FAAH2: variants seen among roughly 807,000 people sequenced by gnomAD.
The protein encoded by FAAH2 is fatty acid amide hydrolase 2, also known as fatty-acid amide hydrolase 2.
FAAH2 carries 60 observed loss-of-function variants against 36.9 expected under a neutral mutation model. The ratio of observed to expected loss-of-function variants is 1.63; its 90% CI spans 1.32 to 2.02. The LOEUF (loss-of-function observed/expected upper bound fraction) is 2.02. Ranked by LOEUF, FAAH2 falls within the 30% of genes most tolerant of loss-of-function variation. The pLI is 0.00. For synonymous variants in FAAH2, 214 were observed against 143.8 expected (o/e 1.49, Z -3.49); for missense variants, 689 against 397.5 (o/e 1.73, Z -6.23).
the FAAH2 span, chrX:57,137,219 A>G: frequency 1.3e-6 from 1 of 756,651 alleles, no homozygotes; most frequent in Non-Finnish European, 1.6e-6. Flanking sequence ...CCTGGCGTCC[A>G]CCGCCGGGGA....
At chrX:57,226,419 G>T in the FAAH2 span, among the ~76,000 whole-genome samples, 1 of 111,686 alleles carries the variant, frequency 9.0e-6, no homozygotes, top group Non-Finnish European at 1.9e-5. Flanking sequence ...GCTTCATTTG[G>T]CTGGATAAAA....
At chrX:57,341,127 T>A (rs2053675393) in intron 4 of FAAH2, 144 bp from the exon 5 acceptor site, 2 of 495,850 alleles carry the variant, frequency 4.0e-6, no homozygotes, top group Non-Finnish European at 6.0e-6. Flanking sequence ...AGAATAAAAT[T>A]ATGATCTAAA....
intron 3 of FAAH2, among the ~76,000 whole-genome samples, chrX:57,315,373 TGGA>T (rs1464330940): frequency 9.0e-6 from 1 of 111,273 alleles, no homozygotes; most frequent in African/African-American, 3.3e-5. Context: ...TTCTAAAAAA[TGGA>T]GGAGGAGGGA....
chrX:57,262,566 T>A, the FAAH2 span, among the ~76,000 whole-genome samples: 1 of 111,353 alleles, frequency 9.0e-6, no homozygotes, highest in Non-Finnish European at 1.9e-5. Flanking sequence ...TAACACCAAA[T>A]TCAAGTCTCT....
intron 7 of FAAH2, among the ~76,000 whole-genome samples, chrX:57,390,905 G>A (rs1291433916): frequency 9.0e-6 from 1 of 111,140 alleles, no homozygotes; most frequent in African/African-American, 3.3e-5. Context: ...CCTCCATACT[G>A]TTTTCCACAG....
At chrX:57,220,193 C>T in the FAAH2 span, among the ~76,000 whole-genome samples, 2 of 108,991 alleles carry the variant, frequency 1.8e-5, no homozygotes, top group South Asian at 4.1e-4. Context: ...CAGCCCCTAC[C>T]TCTTCCTCTC....
the FAAH2 span, among the ~76,000 whole-genome samples, chrX:57,205,435 G>T: frequency 8.9e-6 from 1 of 112,447 alleles, no homozygotes; most frequent in South Asian, 3.7e-4. Context: ...CCTAACTGCT[G>T]TTTGCAATTG....
Position 57,378,800 on chromosome X carries a change from T to C in FAAH2, c.878+14T>C. 3 of 1,194,001 alleles carry C rather than the reference T, an allele frequency of 2.5e-6. No individual in the cohort carries two copies. The highest frequency in any genetic ancestry group is 3.4e-6 in the Non-Finnish European group (3 of 885,194). ...TGGGATCAAAAGGTATGTTCATTTA[T>C]TTTTATTTCCTTGGACTCTTATCCT... is the stretch of plus-strand genomic sequence containing the variant. On this transcript the variant is annotated intron_variant, in intron 6 of 10. Coordinates refer to ENST00000374900, the MANE Select transcript of FAAH2 (RefSeq NM_174912.4).
intron 7 of FAAH2, among the ~76,000 whole-genome samples, chrX:57,419,345 G>T (rs1335141237): frequency 9.0e-6 from 1 of 110,908 alleles, no homozygotes; most frequent in African/African-American, 3.3e-5. Context: ...CAGTGTAAAA[G>T]TGTTCCTATT....
At chrX:57,363,797 G>A (rs936769277) in intron 5 of FAAH2, among the ~76,000 whole-genome samples, 4 of 111,117 alleles carry the variant, frequency 3.6e-5, no homozygotes, top group Non-Finnish European at 7.6e-5. Context: ...TTTATCAAAA[G>A]CCTTTTCTGC....
intron 1 of FAAH2, among the ~76,000 whole-genome samples, chrX:57,287,661 C>A (rs1193126351): frequency 9.0e-6 from 1 of 111,624 alleles, no homozygotes; most frequent in African/African-American, 3.3e-5. Context: ...AAAAATTAAG[C>A]AGCTCATTCG....
intron 5 of FAAH2, among the ~76,000 whole-genome samples, chrX:57,342,053 G>A (rs1297450741): frequency 1.8e-5 from 2 of 111,651 alleles, no homozygotes; most frequent in South Asian, 3.7e-4. Flanking sequence ...TATAATTGTG[G>A]TATAGTAAAG....
intron 2 of FAAH2, among the ~76,000 whole-genome samples, chrX:57,299,112 G>A (rs2052245083): frequency 9.0e-6 from 1 of 111,469 alleles, no homozygotes; most frequent in Admixed American, 9.5e-5. Flanking sequence ...TATGAGGCCA[G>A]CATCATCCTG....
intron 7 of FAAH2, among the ~76,000 whole-genome samples, chrX:57,410,962 T>A (rs1031039150): frequency 8.9e-6 from 1 of 111,764 alleles, no homozygotes; most frequent in Non-Finnish European, 1.9e-5. Context: ...GGGGCTTTAT[T>A]TTGGTCCTTC....
chrX:57,157,813 A>T, the FAAH2 span, among the ~76,000 whole-genome samples: 1 of 109,072 alleles, frequency 9.2e-6, no homozygotes, highest in African/African-American at 3.3e-5. Flanking sequence ...TTTAATTTTT[A>T]TTTTTTATTT....
At chrX:57,383,952 C>A (rs1439534072) in intron 7 of FAAH2, among the ~76,000 whole-genome samples, 2 of 111,864 alleles carry the variant, frequency 1.8e-5, no homozygotes, top group Non-Finnish European at 3.8e-5. Flanking sequence ...ACCAAAACAG[C>A]ATGGTACTGG....
At chrX:57,142,498 T>G in the FAAH2 span, among the ~76,000 whole-genome samples, 1 of 112,316 alleles carries the variant, frequency 8.9e-6, no homozygotes, top group East Asian at 2.8e-4. Flanking sequence ...TTTAAAAATT[T>G]GTTGAGATTT....
chrX:57,164,109 A>T, the FAAH2 span, among the ~76,000 whole-genome samples: 1 of 112,045 alleles, frequency 8.9e-6, no homozygotes, highest in African/African-American at 3.2e-5. Context: ...AATATACCTG[A>T]CTTTAAAATC....
chrX:57,351,054 A>G (rs1602367479), intron 5 of FAAH2, among the ~76,000 whole-genome samples: 1 of 111,639 alleles, frequency 9.0e-6, no homozygotes. Context: ...TCATCAACAC[A>G]TCGAACATTC....
Sources: allele counts gnomAD v4.1 joint callset (sites outside exome capture counted in the v4.1 genomes callset), GRCh38; gene constraint gnomAD v4.1.1; transcripts MANE v1.5; gene names NCBI Gene and HGNC (gene_info 2026-07-23, HGNC 2026-07-21).